Variants in CCDC7 observed in about 807,000 individuals in gnomAD.
CCDC7 encodes coiled-coil domain-containing protein 7.
A neutral mutation model predicts 196.9 loss-of-function variants in CCDC7; 183 were observed. That is an observed-to-expected ratio of 0.93 (90% CI 0.82 to 1.05). The LOEUF (loss-of-function observed/expected upper bound fraction) is 1.05, where lower values mean the gene tolerates loss of function less well. CCDC7 is among the 50% of genes least tolerant of loss of function. The probability of loss-of-function intolerance (pLI) is 0.00; values close to 1 mark genes in which losing one functional copy is unlikely to be tolerated. For synonymous variants in CCDC7, 525 were observed against 484.6 expected, an observed-to-expected ratio of 1.08 and a Z score of -1.10; for missense variants, 1,540 against 1,482.2, an observed-to-expected ratio of 1.04 and a Z score of -0.64.
At chr10:32,622,579 G>A (rs906809697) in intron 18 of CCDC7, among the ~76,000 whole-genome samples, 27 of 151,972 alleles carry the variant, frequency 1.8e-4, no homozygotes, top group Non-Finnish European at 4.0e-4. Context: ...TGTTTAATCA[G>A]TGTTTCTCAA....
Position 32,689,124 on chromosome 10 carries a change from G to T in CCDC7, c.2305G>T (p.Val769Leu), listed in dbSNP as rs570831780. Residue 769 changes from valine (V) to leucine (L), a missense_variant, in exon 23 of 42, where the codon GTG (valine) becomes TTG (leucine). Val to Leu is a conservative substitution (Grantham distance 32). Coordinates refer to ENST00000639629, the Ensembl canonical transcript of CCDC7. ...CTCAATGTCAAAATCAGAAATGCAAGTGAAGGAACAAAGAACTCTCAAAGG... is the reference window on the plus strand; with the variant it reads ...CTCAATGTCAAAATCAGAAATGCAATTGAAGGAACAAAGAACTCTCAAAGG... 5 of 1,605,246 alleles carry T rather than the reference G, an allele frequency of 3.1e-6. No individual in the cohort carries two copies. The Admixed American group carries it at 8.4e-5, about 27-fold the overall frequency.
rs2038476712 is a variant in CCDC7, at chr10:32,474,039, T to C, written c.796+16T>C. 6.2e-7 allele frequency: 1 copy of C among 1,608,878 alleles called. No homozygotes were observed. Among genetic ancestry groups the C allele is most frequent in the East Asian group, 2.2e-5 (1 of 44,684 alleles). On this transcript the variant is annotated intron_variant, in intron 8 of 41. Transcript: ENST00000639629. ...ACAGAACCACGTAAGTTTCCACTCA[T>C]TAAAGCATTATTGTGATAATAACCT...
At chr10:32,500,966 G>C (rs936702803) in intron 9 of CCDC7, among the ~76,000 whole-genome samples, 1 of 152,202 alleles carries the variant, frequency 6.6e-6, no homozygotes, top group Admixed American at 6.5e-5. Context: ...GAATCAGGCA[G>C]GGAGGTTGCA....
chr10:32,700,082 G>C lies in CCDC7; in HGVS notation c.2458+5090G>C, dbSNP rs369224267. ...AATTAGATCCAATTTGTCAATTTTGGCTTTTGTTGCCATTGCTTTTGGTGT... is the reference window on the plus strand; with the variant it reads ...AATTAGATCCAATTTGTCAATTTTGCCTTTTGTTGCCATTGCTTTTGGTGT... On this transcript the variant is annotated intron_variant, in intron 24 of 41. Transcript: ENST00000639629. Among the ~76,000 whole-genome samples the C allele has an allele frequency of 4.0e-5, 6 of 149,502 alleles. No individual in the cohort carries two copies. In the South Asian group the frequency reaches 6.2e-4, roughly 16 times the overall value.
At chr10:32,640,314 T>C (rs2139814001) in intron 20 of CCDC7, among the ~76,000 whole-genome samples, 1 of 152,312 alleles carries the variant, frequency 6.6e-6, no homozygotes, top group South Asian at 2.1e-4. Context: ...TTTGTCTCTT[T>C]TGATCTTTGT....
At chr10:32,461,654 T>A (rs560046949) in intron 3 of CCDC7, among the ~76,000 whole-genome samples, 3 of 147,632 alleles carry the variant, frequency 2.0e-5, no homozygotes, top group African/African-American at 7.4e-5. Context: ...AATATAATGC[T>A]CCTCTGAAAG....
intron 20 of CCDC7, among the ~76,000 whole-genome samples, chr10:32,657,364 G>T (rs1360262977): frequency 6.6e-6 from 1 of 152,240 alleles, no homozygotes; most frequent in Non-Finnish European, 1.5e-5. Flanking sequence ...GCAAACTTCT[G>T]CCTGGACATC....
intron 24 of CCDC7, among the ~76,000 whole-genome samples, chr10:32,699,344 G>A (rs1180469859): frequency 1.3e-5 from 2 of 151,598 alleles, no homozygotes; most frequent in Non-Finnish European, 2.9e-5. Context: ...GAGAATGATG[G>A]TTTCCAGCTT....
intron 20 of CCDC7, among the ~76,000 whole-genome samples, chr10:32,638,179 G>C (rs1400518009): frequency 6.6e-6 from 1 of 152,190 alleles, no homozygotes; most frequent in African/African-American, 2.4e-5. Flanking sequence ...TCTGCAAACA[G>C]GGACAATTTG....
chr10:32,450,072 AC>A (rs1207248588), upstream of CCDC7, among the ~76,000 whole-genome samples: 3 of 152,222 alleles, frequency 2.0e-5, no homozygotes, highest in Admixed American at 1.3e-4. Context: ...GTAACAAAGT[AC>A]CACAAAGTGG....
intron 13 of CCDC7, among the ~76,000 whole-genome samples, chr10:32,555,874 T>C (rs2947077): frequency 0.14 from 21,045 of 152,260 alleles, 1,755 homozygotes; most frequent in East Asian, 0.25. Context: ...TATTCCTATG[T>C]CTGACGTTCC....
At chr10:32,863,428 C>T (rs1396098922) in intron 41 of CCDC7, among the ~76,000 whole-genome samples, 5 of 152,160 alleles carry the variant, frequency 3.3e-5, no homozygotes, top group African/African-American at 1.2e-4. Flanking sequence ...TCATAGCTCA[C>T]TGTCACCTTT....
At chr10:32,685,881 A>T (rs780582635) in intron 21 of CCDC7, 89 bp from the exon 23 acceptor site, 1 of 711,108 alleles carries the variant, frequency 1.4e-6, no homozygotes, top group Non-Finnish European at 2.4e-6. Context: ...GAGAATGCTC[A>T]TGTAAATGTT....
chr10:32,499,439 A>G (rs12767240), intron 9 of CCDC7: 1 of 152,126 alleles, frequency 6.6e-6, no homozygotes, highest in Non-Finnish European at 1.5e-5. Flanking sequence ...TCTGCTAATA[A>G]ATCTCCTATC....
chr10:32,485,792 T>A (rs2040943268), intron 8 of CCDC7, among the ~76,000 whole-genome samples: 1 of 152,206 alleles, frequency 6.6e-6, no homozygotes, highest in African/African-American at 2.4e-5. Context: ...TCAGTTTCCA[T>A]GTAGTTGAGC....
At chr10:32,813,132 A>G (rs1262120014) in intron 30 of CCDC7, among the ~76,000 whole-genome samples, 1 of 152,194 alleles carries the variant, frequency 6.6e-6, no homozygotes, top group African/African-American at 2.4e-5. Flanking sequence ...ACCGCTCTAC[A>G]ATACAATGGA....
chr10:32,541,529 G>C (rs2051430258), intron 11 of CCDC7, among the ~76,000 whole-genome samples: 3 of 152,236 alleles, frequency 2.0e-5, no homozygotes. Flanking sequence ...GGTGAGGGTG[G>C]GTGGAATGGC....
intron 13 of CCDC7, among the ~76,000 whole-genome samples, chr10:32,548,981 T>G (rs569069785): frequency 1.1e-4 from 17 of 152,140 alleles, no homozygotes; most frequent in Non-Finnish European, 1.6e-4. Flanking sequence ...CTTTAAGGAA[T>G]CTCTACACCG....
At chr10:32,593,102 T>C (rs1287981321) in intron 18 of CCDC7, among the ~76,000 whole-genome samples, 3 of 152,236 alleles carry the variant, frequency 2.0e-5, no homozygotes, top group South Asian at 2.1e-4. Flanking sequence ...TTTCTAGTTC[T>C]AGATCCTTGA....
Sources: allele counts gnomAD v4.1 joint callset (sites outside exome capture counted in the v4.1 genomes callset), GRCh38; gene constraint gnomAD v4.1.1; transcripts MANE v1.5; gene names NCBI Gene and HGNC (gene_info 2026-07-23, HGNC 2026-07-21).